FRMD4B: variants seen among roughly 807,000 people sequenced by gnomAD.
The protein encoded by FRMD4B is FERM domain-containing protein 4B.
A neutral mutation model predicts 141.5 loss-of-function variants in FRMD4B; 74 were observed. The ratio of observed to expected loss-of-function variants is 0.52; its 90% confidence interval spans 0.43 to 0.63. The LOEUF (loss-of-function observed/expected upper bound fraction) is 0.63, where lower values mean the gene tolerates loss of function less well. FRMD4B is among the 30% of genes least tolerant of loss of function. FRMD4B has a pLI of 0.00. For missense variants in FRMD4B, 1,366 were observed against 1,253.4 expected, an observed-to-expected ratio of 1.09 and a Z score of -1.36; for synonymous variants, 506 against 467.9, an observed-to-expected ratio of 1.08 and a Z score of -1.05.
At position 69,488,326 on chromosome 3, in the gene FRMD4B, G is replaced by A. The variant is rs144267349; in HGVS notation, c.-129+53880C>T. On this transcript the variant is annotated intron_variant, in intron 1 of 5. Transcript: ENST00000459638. ...AAAATTCACCTGACAGCTATCAGCT[G>A]CTTTACCATGCAACCAGAGCTTGGC... Among the ~76,000 whole-genome samples the A allele has an allele frequency of 1.1e-4, 17 of 152,274 alleles. No homozygotes were observed. In the East Asian group the frequency reaches 3.1e-3, roughly 28 times the overall value.
intron 7 of FRMD4B, among the ~76,000 whole-genome samples, chr3:69,225,919 C>T (rs568839937): frequency 2.0e-5 from 3 of 152,132 alleles, no homozygotes; most frequent in Middle Eastern, 3.4e-3. Context: ...TCCTACCTTC[C>T]ACTTCTTCCT....
intron 1 of FRMD4B, among the ~76,000 whole-genome samples, chr3:69,349,510 T>C: frequency 6.6e-6 from 1 of 152,150 alleles, no homozygotes; most frequent in Non-Finnish European, 1.5e-5. Flanking sequence ...GAGCCCGCAT[T>C]GCCAAGTCAA....
At chr3:69,488,645 G>A (rs1706256673) in intron 1 of FRMD4B, among the ~76,000 whole-genome samples, 2 of 152,024 alleles carry the variant, frequency 1.3e-5, no homozygotes, top group South Asian at 4.1e-4. Flanking sequence ...GTTCACACTT[G>A]TAATCCCAGC....
rs904071587 is a variant in FRMD4B at position 69,283,209 on chromosome 3, C to T, written c.501+4543G>A. Among the ~76,000 whole-genome samples, 10 of 151,656 alleles carry T rather than the reference C, an allele frequency of 6.6e-5. No individual in the cohort carries two copies. In the East Asian group the frequency reaches 2.0e-3, roughly 30 times the overall value. On this transcript the variant is annotated intron_variant, in intron 5 of 22. Coordinates refer to ENST00000398540, the MANE Select transcript of FRMD4B (RefSeq NM_015123.3). ...GAACAGTCTGGCCAACATGGTGAAA[C>T]CCCATCTCTACTAAAAATACAAAAC...
chr3:69,218,416 ATAGT>A (rs1385800496), intron 9 of FRMD4B, 37 bp from the exon 10 acceptor site: 4 of 956,672 alleles, frequency 4.2e-6, no homozygotes, highest in East Asian at 2.5e-5. Flanking sequence ...TCTTATTAAA[ATAGT>A]TAGAGGACCC....
chr3:69,303,966 A>G (rs1253721652), intron 3 of FRMD4B, among the ~76,000 whole-genome samples: 6 of 152,026 alleles, frequency 3.9e-5, no homozygotes, highest in Admixed American at 3.9e-4. Flanking sequence ...ACAAAAAACC[A>G]GACACATAAC....
chr3:69,482,498 G>C lies in FRMD4B; in HGVS notation c.-128-49737C>G, dbSNP rs571111492. 6.6e-5 allele frequency among the ~76,000 whole-genome samples: 10 copies of C among 152,308 alleles called. No individual in the cohort carries two copies. In the East Asian group the frequency reaches 1.9e-3, roughly 29 times the overall value. ...AAAGGGAAAGGAGGAAGAAAAGAGA[G>C]AGGGGGAATGGGGAGAAAAATGAAG... On this transcript the variant is annotated intron_variant, in intron 1 of 5. Transcript: ENST00000459638.
At chr3:69,265,283 T>A (rs1300422108) in intron 5 of FRMD4B, among the ~76,000 whole-genome samples, 1,366 of 5,562 alleles carry the variant, frequency 0.25, 327 homozygotes, top group Non-Finnish European at 0.36. Flanking sequence ...TATATATATA[T>A]ATATATATAT....
At chr3:69,310,954 A>C (rs983121028) in intron 3 of FRMD4B, among the ~76,000 whole-genome samples, 23 of 152,336 alleles carry the variant, frequency 1.5e-4, no homozygotes, top group African/African-American at 4.6e-4. Context: ...CTACCATATA[A>C]GCTAAATTAG....
At chr3:69,279,398 T>G (rs1183448837) in intron 5 of FRMD4B, among the ~76,000 whole-genome samples, 2 of 152,218 alleles carry the variant, frequency 1.3e-5, no homozygotes, top group Non-Finnish European at 2.9e-5. Context: ...CTGTGTAAGT[T>G]GCTGTGGGTG....
At chr3:69,283,671 T>C (rs1212543778) in intron 5 of FRMD4B, among the ~76,000 whole-genome samples, 1 of 152,216 alleles carries the variant, frequency 6.6e-6, no homozygotes, top group Non-Finnish European at 1.5e-5. Context: ...AGCGATTGTA[T>C]GTCTCCACAT....
chr3:69,321,832 A>C (rs1397250816), intron 1 of FRMD4B, among the ~76,000 whole-genome samples: 2 of 152,046 alleles, frequency 1.3e-5, no homozygotes, highest in African/African-American at 4.8e-5. Flanking sequence ...CTTCCACGTC[A>C]GCCTCCCGAA....
chr3:69,257,825 C>A (rs1017854165), intron 5 of FRMD4B, among the ~76,000 whole-genome samples: 2 of 151,614 alleles, frequency 1.3e-5, no homozygotes, highest in Non-Finnish European at 2.9e-5. Flanking sequence ...CCATGCCTGG[C>A]TAATTTTTGT....
rs143019509 is a variant in FRMD4B, at chr3:69,180,877, C to T, written c.2851+22G>A. The T allele has an allele frequency of 1.3e-3, 1,951 of 1,486,446 alleles. 25 individuals are homozygous for T. The African/African-American group carries it at 0.024, about 18-fold the overall frequency. The allele number at this position is 1,486,446 out of a possible 1,614,324, so 92.1% of individuals were successfully genotyped here. On this transcript the variant is annotated intron_variant, in intron 21 of 22. Transcript: ENST00000398540. ...CGATGTAAATAAAATCCAGGTGTTGCGTGTTTTTACAGTATTCTCACCTGA... is the reference window on the plus strand; with the variant it reads ...CGATGTAAATAAAATCCAGGTGTTGTGTGTTTTTACAGTATTCTCACCTGA...
rs539116451 is a variant in FRMD4B, at chr3:69,174,723, A to G, written c.2984+1801T>C. 9.8e-5 allele frequency among the ~76,000 whole-genome samples: 15 copies of G among 152,312 alleles called. No individual in the cohort carries two copies. In the East Asian group the frequency reaches 2.5e-3, roughly 25 times the overall value. On this transcript the variant is annotated intron_variant, in intron 22 of 22. Transcript: ENST00000398540. Reference sequence around the variant, plus strand: ...AAATGCTTAACACTTCCTGAGTCCAATTACAGTAGTGTTAAGGATATGAGA... The same window carrying G: ...AAATGCTTAACACTTCCTGAGTCCAGTTACAGTAGTGTTAAGGATATGAGA...
At chr3:69,356,257 T>C (rs1703319625) in intron 1 of FRMD4B, among the ~76,000 whole-genome samples, 1 of 152,142 alleles carries the variant, frequency 6.6e-6, no homozygotes, top group Admixed American at 6.5e-5. Context: ...CTGAGGGTAT[T>C]GCCAAAGGAG....
intron 1 of FRMD4B, among the ~76,000 whole-genome samples, chr3:69,533,109 G>A (rs950407084): frequency 6.6e-6 from 1 of 152,194 alleles, no homozygotes; most frequent in Non-Finnish European, 1.5e-5. Flanking sequence ...AGGCAGAAAG[G>A]AATGACATTT....
At chr3:69,458,108 G>C (rs1037231471) in intron 1 of FRMD4B, among the ~76,000 whole-genome samples, 3 of 152,160 alleles carry the variant, frequency 2.0e-5, no homozygotes, top group African/African-American at 7.2e-5. Context: ...TTCAGGTTCT[G>C]CTTTGGAGGA....
At chr3:69,480,886 T>C (rs1706109786) in intron 1 of FRMD4B, among the ~76,000 whole-genome samples, 2 of 152,220 alleles carry the variant, frequency 1.3e-5, no homozygotes, top group African/African-American at 2.4e-5. Flanking sequence ...CCTGGCTTAT[T>C]TGTTTACCTA....
Sources: gnomAD v4.1 joint callset for allele counts (sites outside exome capture counted in the v4.1 genomes callset) on GRCh38, gnomAD v4.1.1 for gene constraint, MANE v1.5 for transcripts, NCBI Gene and HGNC (gene_info 2026-07-23, HGNC 2026-07-21) for gene names.